DDA1: variants seen among roughly 807,000 people sequenced by gnomAD.
DDA1 encodes the protein DET1 and DDB1 associated 1, also known as DET1- and DDB1-associated protein 1.
Under a neutral mutation model 18.6 loss-of-function variants are expected in DDA1, and 3 were observed. The ratio of observed to expected loss-of-function variants is 0.16; its 90% CI spans 0.07 to 0.42. The LOEUF (loss-of-function observed/expected upper bound fraction) is 0.42. DDA1 is among the 10% of genes least tolerant of loss of function. The pLI is 0.99. For synonymous variants in DDA1, 52 were observed against 54.0 expected, an observed-to-expected ratio of 0.96 and a Z score of 0.17; for missense variants, 105 against 138.2, an observed-to-expected ratio of 0.76 and a Z score of 1.20.
chr19:17,315,067 T>G, intron 3 of DDA1, among the ~76,000 whole-genome samples: 1 of 128,370 alleles, frequency 7.8e-6, no homozygotes, highest in Non-Finnish European at 1.8e-5. Flanking sequence ...TTAGACCCTG[T>G]TTCACCAAAA....
Position 17,315,223 on chromosome 19 carries a change from G to A in DDA1, c.137-711G>A, listed in dbSNP as rs28750105. Among the ~76,000 whole-genome samples, 126 of 13,638 alleles carry A rather than the reference G, an allele frequency of 9.2e-3. 16 individuals carry two copies. Among genetic ancestry groups the A allele is most frequent in the Non-Finnish European group, 0.026 (107 of 4,172 alleles). The allele number at this position is 13,638 out of a possible 152,430, so 8.9% of individuals were successfully genotyped here. A position where few individuals can be genotyped will look rare whatever the true frequency, so the allele number is the denominator to read the frequency against. ...TATACACACGTGTATATACACACAC[G>A]TGTATACACACACACGTGTATATAC... On this transcript the variant is annotated intron_variant, in intron 3 of 4. Transcript: ENST00000359866.
Position 17,314,480 on chromosome 19 carries a change from C to T in DDA1, c.136+91C>T. 6.5e-7 allele frequency: 1 copy of T among 1,536,784 alleles called. No individual in the cohort carries two copies. ...TGGCACGCGGAGGTTATCTTCAACC[C>T]CGGCCCAGGCCATAGACTTGGCTTG... On this transcript the variant is annotated intron_variant, in intron 3 of 4. Transcript: ENST00000359866. The surrounding 1 kb of genome is among the most constrained non-coding windows in gnomAD (Gnocchi z 4.6).
Position 17,314,240 on chromosome 19 carries a change from C to A in DDA1, c.85-98C>A. 6.4e-7 allele frequency: 1 copy of A among 1,567,948 alleles called. No homozygotes were observed. On this transcript the variant is annotated intron_variant, in intron 2 of 4. Coordinates refer to ENST00000359866, the MANE Select transcript of DDA1 (RefSeq NM_024050.6). This position sits in a 1 kb window ranked among gnomAD's most constrained non-coding sequence, Gnocchi z 4.6. ...CAGCCCCATCCACATACTTGAGTGTCTTCCAATCTGCACTGAAGGGTGGGT... is the reference window on the plus strand; with the variant it reads ...CAGCCCCATCCACATACTTGAGTGTATTCCAATCTGCACTGAAGGGTGGGT...
At chr19:17,316,860 A>C (rs1197133423) in intron 4 of DDA1, among the ~76,000 whole-genome samples, 4 of 151,696 alleles carry the variant, frequency 2.6e-5, no homozygotes, top group Non-Finnish European at 4.4e-5. Context: ...CCTGGGCAAC[A>C]GAGCGAGACT....
Position 17,314,195 on chromosome 19 carries a change from C to T in DDA1, c.84+92C>T. 1 of 1,561,630 alleles carries T rather than the reference C, an allele frequency of 6.4e-7. No homozygotes were observed. The highest frequency in any genetic ancestry group is 1.7e-5 in the Admixed American group (1 of 59,560). On this transcript the variant is annotated intron_variant, in intron 2 of 4. Transcript: ENST00000359866. This position sits in a 1 kb window ranked among gnomAD's most constrained non-coding sequence, Gnocchi z 4.6. The stretch of plus-strand genomic sequence containing the variant: ...CCCCCGATTGGGGTCTTGGCTGGAA[C>T]AGAGGCTGATCTTCAAGCCCAGCCC...
rs2074240326 is a variant in DDA1 at position 17,321,636 on chromosome 19, TC to T, written c.*1982del. The T allele has an allele frequency of 6.6e-6, 1 of 152,298 alleles. No individual in the cohort carries two copies. Among genetic ancestry groups the T allele is most frequent in the African/African-American group, 2.4e-5 (1 of 41,440 alleles). The allele number at this position is 152,298 out of a possible 1,614,324, so 9.4% of individuals were successfully genotyped here. ...GTTGGGCCACAGAGCTAGCAGACAC[TC>T]CGGGCTATGGAGGGTCCGCCTGCCC... On this transcript the variant is annotated 3_prime_UTR_variant, in exon 5 of 5. Coordinates refer to ENST00000359866, the MANE Select transcript of DDA1 (RefSeq NM_024050.6).
chr19:17,319,433 G>C, intron 4 of DDA1, 113 bp from the exon 5 acceptor site: 1 of 779,252 alleles, frequency 1.3e-6, no homozygotes, highest in Non-Finnish European at 2.1e-6. Context: ...GGTGGTATGT[G>C]CCTGTAGTCC....
intron 3 of DDA1, among the ~76,000 whole-genome samples, chr19:17,315,454 ATT>A (rs2074208648): frequency 7.3e-6 from 1 of 136,736 alleles, no homozygotes; most frequent in African/African-American, 2.8e-5. Flanking sequence ...ATATATATAT[ATT>A]AGCCGGGCGT....
In DDA1 at chr19:17,319,792, C is replaced by G; in HGVS notation, c.*136C>G. ...ACCCTGCGTCCACACCACTTCCAAC[C>G]TCATAGGAGCCGATGTATTTATTTT... is the stretch of plus-strand genomic sequence containing the variant. On this transcript the variant is annotated 3_prime_UTR_variant, in exon 5 of 5. Coordinates refer to ENST00000359866, the MANE Select transcript of DDA1 (RefSeq NM_024050.6). The G allele has an allele frequency of 1.6e-6, 1 of 643,432 alleles. No individual in the cohort carries two copies. The allele number at this position is 643,432 out of a possible 1,614,324, so 39.9% of individuals were successfully genotyped here.
chr19:17,317,858 G>A (rs980341327), intron 4 of DDA1, among the ~76,000 whole-genome samples: 1 of 151,890 alleles, frequency 6.6e-6, no homozygotes, highest in African/African-American at 2.4e-5. Context: ...AAAATAAGAG[G>A]GTGTAGTTGC....
intron 4 of DDA1, 28 bp downstream of exon 4, chr19:17,316,023 G>A (rs960390812): frequency 2.5e-5 from 40 of 1,612,618 alleles, no homozygotes; most frequent in Non-Finnish European, 3.1e-5. Flanking sequence ...CTGGTGCAGG[G>A]ATTGTGGGTG....
intron 4 of DDA1, among the ~76,000 whole-genome samples, chr19:17,318,548 G>A (rs1001273889): frequency 2.6e-5 from 4 of 152,004 alleles, no homozygotes. Flanking sequence ...TGTATTTTTA[G>A]TAGAGACAGG....
chr19:17,314,742 C>G lies in DDA1; in HGVS notation c.136+353C>G. 1 of 329,370 alleles carries G rather than the reference C, an allele frequency of 3.0e-6. No homozygotes were observed. The highest frequency in any genetic ancestry group is 7.4e-5 in the East Asian group (1 of 13,450). 20.4% of individuals were successfully genotyped at this position (329,370 alleles called of 1,614,324 possible). On this transcript the variant is annotated intron_variant, in intron 3 of 4. Transcript: ENST00000359866. This position sits in a 1 kb window ranked among gnomAD's most constrained non-coding sequence, Gnocchi z 4.6. Reference sequence around the variant, plus strand: ...TGTCCCTCATCTGCCACTCACTGGTCCTTTCCCCTCCCTGTCAGATGAGGT... The same window carrying G: ...TGTCCCTCATCTGCCACTCACTGGTGCTTTCCCCTCCCTGTCAGATGAGGT...
At chr19:17,311,908 C>T (rs927773578) in intron 1 of DDA1, among the ~76,000 whole-genome samples, 5 of 152,124 alleles carry the variant, frequency 3.3e-5, no homozygotes, top group Admixed American at 1.3e-4. Context: ...CCTCCCCCAC[C>T]CCCTGCCCCC....
chr19:17,316,247 G>C (rs1400002323), intron 4 of DDA1, among the ~76,000 whole-genome samples: 2 of 152,210 alleles, frequency 1.3e-5, no homozygotes, highest in Non-Finnish European at 2.9e-5. Flanking sequence ...GTTTTCCATG[G>C]CTCTGGCATT....
chr19:17,313,994 T>C, intron 1 of DDA1, 29 bp from the exon 2 acceptor site: 1 of 1,597,226 alleles, frequency 6.3e-7, no homozygotes, highest in East Asian at 2.2e-5. Context: ...TTGCCTGTTT[T>C]CTCATGTACC....
intron 4 of DDA1, among the ~76,000 whole-genome samples, chr19:17,319,010 C>T (rs1055837983): frequency 2.6e-5 from 4 of 152,208 alleles, no homozygotes; most frequent in African/African-American, 7.2e-5. Context: ...GGGAAGGAGG[C>T]GTGTGCTTCT....
intron 1 of DDA1, among the ~76,000 whole-genome samples, chr19:17,312,725 C>T (rs1423424330): frequency 1.3e-5 from 2 of 152,196 alleles, no homozygotes; most frequent in Non-Finnish European, 2.9e-5. Flanking sequence ...CAAGGCCAGG[C>T]GCGTGGCCAT....
chr19:17,315,415 T>TGTGC (rs1430789526), intron 3 of DDA1, among the ~76,000 whole-genome samples: 1 of 80,534 alleles, frequency 1.2e-5, no homozygotes, highest in Non-Finnish European at 2.5e-5. Flanking sequence ...CATACGTGTG[T>TGTGC]GTGTGTGTGT....
Sources: gnomAD v4.1 joint callset for allele counts (sites outside exome capture counted in the v4.1 genomes callset) on GRCh38, gnomAD v4.1.1 for gene constraint, Gnocchi (gnomAD v3.1) non-coding constraint, MANE v1.5 for transcripts, NCBI Gene and HGNC (gene_info 2026-07-23, HGNC 2026-07-21) for gene names.